Variants in MTMR3 observed in about 807,000 individuals in gnomAD.
MTMR3 encodes the protein myotubularin related protein 3, also known as phosphatidylinositol-3,5-bisphosphate 3-phosphatase MTMR3.
A neutral mutation model predicts 132.4 loss-of-function variants in MTMR3; 32 were observed. The observed-to-expected ratio is 0.24, with a 90% CI of 0.18 to 0.32. MTMR3 has a LOEUF of 0.32. Among genes scored for constraint, MTMR3 ranks in the 10% least tolerant of loss-of-function variants. The pLI, the probability that MTMR3 is intolerant of heterozygous loss-of-function variation, is 1.00. For synonymous variants in MTMR3, 556 were observed against 550.3 expected, an observed-to-expected ratio of 1.01 and a Z score of -0.14; for missense variants, 1,216 against 1,489.6, an observed-to-expected ratio of 0.82 and a Z score of 3.02.
rs143320494 is a variant in MTMR3 at position 29,911,227 on chromosome 22, T to C, written c.-138+27868T>C. Among the ~76,000 whole-genome samples, 75 of 152,180 alleles carry C rather than the reference T, an allele frequency of 4.9e-4. 1 individual carries two copies. In the East Asian group the frequency reaches 0.015, roughly 29 times the overall value. The stretch of plus-strand genomic sequence containing the variant: ...TTTTTCCTTGTTTCTACGCAGCATC[T>C]CATTATCCTGTGAGCCATTAAATTC... On this transcript the variant is annotated intron_variant, in intron 1 of 19. Transcript: ENST00000401950.
intron 1 of MTMR3, among the ~76,000 whole-genome samples, chr22:29,900,535 C>T (rs1275319833): frequency 6.6e-6 from 1 of 152,056 alleles, no homozygotes; most frequent in Admixed American, 6.6e-5. Context: ...AGTATTGAGG[C>T]TTAGTTAACT....
chr22:29,898,199 T>G (rs1219380522), intron 1 of MTMR3, among the ~76,000 whole-genome samples: 1 of 152,198 alleles, frequency 6.6e-6, no homozygotes, highest in African/African-American at 2.4e-5. Flanking sequence ...TAGTACACAA[T>G]TTTAGTCCTT....
At chr22:29,907,569 A>G (rs1261746341) in intron 1 of MTMR3, among the ~76,000 whole-genome samples, 2 of 152,180 alleles carry the variant, frequency 1.3e-5, no homozygotes, top group East Asian at 3.8e-4. Context: ...TACCTGAGAC[A>G]GAAAAGTTGA....
At chr22:29,998,896 G>T (rs2067114316) in intron 8 of MTMR3, 39 bp downstream of exon 8, 3 of 1,435,290 alleles carry the variant, frequency 2.1e-6, no homozygotes, top group Non-Finnish European at 2.9e-6. Context: ...TTCACAGCCA[G>T]TGCCTTTGCA....
intron 2 of MTMR3, among the ~76,000 whole-genome samples, chr22:29,965,266 G>A (rs926819670): frequency 6.6e-6 from 1 of 151,746 alleles, no homozygotes; most frequent in African/African-American, 2.4e-5. Context: ...ACTGACTGCA[G>A]TGCAGAAAGA....
chr22:30,021,806 T>C lies in MTMR3; in HGVS notation c.3226-223T>C, dbSNP rs1042444483. 3 of 530,732 alleles carry C rather than the reference T, an allele frequency of 5.7e-6. No homozygotes were observed. The African/African-American group carries it at 5.7e-5, about 10-fold the overall frequency. The allele number at this position is 530,732 out of a possible 1,614,324, so 32.9% of individuals were successfully genotyped here. A position where few individuals can be genotyped will look rare whatever the true frequency, so the allele number is the denominator to read the frequency against. Reference sequence around the variant, plus strand: ...GAACCCTGAGGGCCTGTTTTTCTACTCCAGAGTCACTGCACACAACCTGTG... The same window carrying C: ...GAACCCTGAGGGCCTGTTTTTCTACCCCAGAGTCACTGCACACAACCTGTG... On this transcript the variant is annotated intron_variant, in intron 17 of 19. Transcript: ENST00000401950.
chr22:30,016,426 GA>G, intron 14 of MTMR3, 101 bp from the exon 15 acceptor site: 1 of 1,326,384 alleles, frequency 7.5e-7, no homozygotes, highest in Non-Finnish European at 1.0e-6. Flanking sequence ...AGAGTAAATT[GA>G]AGTGTTCTCA....
rs188903074 is a variant in MTMR3 at position 29,954,984 on chromosome 22, G to T, written c.-137-2052G>T. 1.3e-3 allele frequency among the ~76,000 whole-genome samples: 195 copies of T among 151,792 alleles called. 1 individual carries two copies. The highest frequency in any genetic ancestry group is 4.6e-3 in the African/African-American group (191 of 41,382). Reference sequence around the variant, plus strand: ...CTGCTTCCTTTTTTTCCATTATTTTGTTGGTTGTTGTTGTTCTTGTGACAA... The same window carrying T: ...CTGCTTCCTTTTTTTCCATTATTTTTTTGGTTGTTGTTGTTCTTGTGACAA... On this transcript the variant is annotated intron_variant, in intron 1 of 19. Coordinates refer to ENST00000401950, the MANE Select transcript of MTMR3 (RefSeq NM_021090.4).
chr22:29,938,620 G>A (rs1326777091), intron 1 of MTMR3, among the ~76,000 whole-genome samples: 2 of 151,918 alleles, frequency 1.3e-5, no homozygotes, highest in Non-Finnish European at 2.9e-5. Flanking sequence ...ACTTCCCTCA[G>A]CCCACTGGTA....
At chr22:29,936,685 G>A (rs575929396) in intron 1 of MTMR3, among the ~76,000 whole-genome samples, 2 of 152,160 alleles carry the variant, frequency 1.3e-5, no homozygotes, top group Non-Finnish European at 2.9e-5. Flanking sequence ...AAATGCCAGT[G>A]TCTTTAATGA....
intron 6 of MTMR3, chr22:29,989,132 C>T (rs2066912294): frequency 6.6e-6 from 1 of 152,266 alleles, no homozygotes; most frequent in African/African-American, 2.4e-5. Flanking sequence ...TCCCTCACCT[C>T]CATCTCATTC....
At chr22:29,953,883 C>T (rs904341331) in intron 1 of MTMR3, among the ~76,000 whole-genome samples, 3 of 152,050 alleles carry the variant, frequency 2.0e-5, no homozygotes, top group African/African-American at 7.2e-5. Context: ...TTAATGCAAC[C>T]ACATTACATT....
intron 1 of MTMR3, among the ~76,000 whole-genome samples, chr22:29,912,030 A>G (rs781416093): frequency 6.6e-6 from 1 of 152,194 alleles, no homozygotes; most frequent in Non-Finnish European, 1.5e-5. Context: ...AGGGGAGAAA[A>G]ACTCGGTGAA....
intron 8 of MTMR3, chr22:30,000,394 G>A (rs2067145138): frequency 2.6e-5 from 4 of 152,162 alleles, no homozygotes; most frequent in Admixed American, 2.6e-4. Context: ...CTGGGAAGCG[G>A]AGCTTGCAGT....
chr22:29,966,990 T>G (rs2066434191), intron 2 of MTMR3, among the ~76,000 whole-genome samples: 1 of 152,124 alleles, frequency 6.6e-6, no homozygotes, highest in South Asian at 2.1e-4. Context: ...CAGAATCAAA[T>G]TGTACATTTT....
chr22:29,971,567 A>T (rs2066536804), intron 3 of MTMR3, among the ~76,000 whole-genome samples: 1 of 152,186 alleles, frequency 6.6e-6, no homozygotes, highest in African/African-American at 2.4e-5. Flanking sequence ...TAACATATGT[A>T]TTACTTCACA....
chr22:29,973,844 C>T (rs894349417), intron 3 of MTMR3, among the ~76,000 whole-genome samples: 2 of 152,138 alleles, frequency 1.3e-5, no homozygotes, highest in South Asian at 2.1e-4. Context: ...GGTGATCCAT[C>T]TGCCTCAGCC....
chr22:29,917,024 C>T (rs1278982660), intron 1 of MTMR3, among the ~76,000 whole-genome samples: 1 of 152,140 alleles, frequency 6.6e-6, no homozygotes, highest in Non-Finnish European at 1.5e-5. Flanking sequence ...ATCCCAATAT[C>T]TTCAGCAAAG....
intron 1 of MTMR3, among the ~76,000 whole-genome samples, chr22:29,932,521 T>A (rs946153752): frequency 1.3e-5 from 2 of 152,194 alleles, no homozygotes; most frequent in Non-Finnish European, 2.9e-5. Flanking sequence ...TGATCAAGAC[T>A]AATTATGATT....
Sources: allele counts gnomAD v4.1 joint callset (sites outside exome capture counted in the v4.1 genomes callset), GRCh38; gene constraint gnomAD v4.1.1; transcripts MANE v1.5; gene names NCBI Gene and HGNC (gene_info 2026-07-23, HGNC 2026-07-21).